MOCS1: variants seen among roughly 807,000 people sequenced by gnomAD.
MOCS1 encodes molybdenum cofactor biosynthesis protein 1.
A neutral mutation model predicts 57.6 loss-of-function variants in MOCS1; 39 were observed. The ratio of observed to expected loss-of-function variants is 0.68; its 90% CI spans 0.52 to 0.88. The LOEUF (loss-of-function observed/expected upper bound fraction) is 0.88, where lower values mean the gene tolerates loss of function less well. MOCS1 is among the 40% of genes least tolerant of loss of function. MOCS1 has a pLI of 0.00. For missense variants in MOCS1, 795 were observed against 831.1 expected, an observed-to-expected ratio of 0.96 and a Z score of 0.53; for synonymous variants, 334 against 335.7, an observed-to-expected ratio of 1.00 and a Z score of 0.05.
rs1410212362 is a variant in MOCS1 at position 39,905,442 on chromosome 6, G to GAT, written c.*913_*914dup. On this transcript the variant is annotated 3_prime_UTR_variant, in exon 11 of 11. Coordinates refer to ENST00000340692, the MANE Select transcript of MOCS1 (RefSeq NM_001358530.2). ...ACTGTGTCTTGGGATAGGATTGATT[G>GAT]ATTGATTGATAGGTGCAGCCTTCCC... is the stretch of plus-strand genomic sequence containing the variant. 2 of 470,886 alleles carry GAT rather than the reference G, an allele frequency of 4.2e-6. No homozygotes were observed. The highest frequency in any genetic ancestry group is 3.1e-5 in the South Asian group (2 of 64,566). 29.2% of individuals were successfully genotyped at this position (470,886 alleles called of 1,614,324 possible).
At chr6:39,930,191 C>T (rs1366231218) in intron 1 of MOCS1, among the ~76,000 whole-genome samples, 1 of 152,146 alleles carries the variant, frequency 6.6e-6, no homozygotes, top group Non-Finnish European at 1.5e-5. Context: ...TACTTTCATT[C>T]TTCTACTTTT....
rs1368843620 is a variant in MOCS1, at chr6:39,906,849, T to C, written c.1419A>G (p.Ser473=). The C allele has an allele frequency of 6.2e-7, 1 of 1,614,178 alleles. No homozygotes were observed. The highest frequency in any genetic ancestry group is 8.5e-7 in the Non-Finnish European group (1 of 1,180,030). ...GTTGTTCTGAGGTTAGCTGGGGTCCTGAGGGGGCAGCAGAAGCCCAGGAAC... is the reference window on the plus strand; with the variant it reads ...GTTGTTCTGAGGTTAGCTGGGGTCCCGAGGGGGCAGCAGAAGCCCAGGAAC... ...SPGSWASAAP[S]GPQLTSEQLT... Residue 473 remains serine (S), a synonymous_variant, in exon 11 of 11, where the codon TCA becomes TCG. Coordinates refer to ENST00000340692, the MANE Select transcript of MOCS1 (RefSeq NM_001358530.2).
chr6:39,905,819 TCAGGA>T lies in MOCS1; in HGVS notation c.*533_*537del, dbSNP rs138907488. 159 of 469,288 alleles carry T rather than the reference TCAGGA, an allele frequency of 3.4e-4. No homozygotes were observed. Among genetic ancestry groups the T allele is most frequent in the African/African-American group, 2.0e-3 (97 of 48,922 alleles). 29.1% of individuals were successfully genotyped at this position (469,288 alleles called of 1,614,324 possible). A position where few individuals can be genotyped will look rare whatever the true frequency, so the allele number is the denominator to read the frequency against. On this transcript the variant is annotated 3_prime_UTR_variant, in exon 11 of 11. Transcript: ENST00000340692. ...GACTTGGGCAGAAGGAGAGATGAAG[TCAGGA>T]CAGGACAGGACAGGGCAGGGCTGCG...
intron 1 of MOCS1, among the ~76,000 whole-genome samples, chr6:39,929,152 G>A (rs927871707): frequency 2.6e-5 from 4 of 152,102 alleles, no homozygotes; most frequent in East Asian, 3.9e-4. Context: ...TACCCACCGC[G>A]GGAGAATTTC....
In MOCS1 at chr6:39,905,286, C is replaced by A. The variant is rs1346698699; in HGVS notation, c.*1071G>T. On this transcript the variant is annotated 3_prime_UTR_variant, in exon 11 of 11. Transcript: ENST00000340692. ...ATGAGCTTTGAACACCCCTGGCCAC[C>A]ACCTGACAAAAGATTTCCCTTAGAT... The A allele has an allele frequency of 6.6e-6, 3 of 454,850 alleles. No homozygotes were observed. The highest frequency in any genetic ancestry group is 4.7e-5 in the South Asian group (3 of 64,504). The allele number at this position is 454,850 out of a possible 1,614,324, so 28.2% of individuals were successfully genotyped here.
chr6:39,913,485 A>G (rs371932063), intron 5 of MOCS1, 57 bp from the exon 6 acceptor site: 1 of 1,507,020 alleles, frequency 6.6e-7, no homozygotes, highest in Middle Eastern at 1.7e-4. Context: ...TTTTGTGGAG[A>G]TGACCCTTGG....
At position 39,904,636 on chromosome 6, in the gene MOCS1, CTGT is replaced by C. The variant is rs1286151210; in HGVS notation, c.*1718_*1720del. On this transcript the variant is annotated 3_prime_UTR_variant, in exon 11 of 11. Coordinates refer to ENST00000340692, the MANE Select transcript of MOCS1 (RefSeq NM_001358530.2). ...ATTCTCCAGGTGAATGGGGAAGGGT[CTGT>C]TCCAGCCTCTCCCTACTCCCATCCC... The C allele has an allele frequency of 8.8e-6, 4 of 454,016 alleles. No homozygotes were observed. Among genetic ancestry groups the C allele is most frequent in the African/African-American group, 2.0e-5 (1 of 49,988 alleles). 28.1% of individuals were successfully genotyped at this position (454,016 alleles called of 1,614,324 possible). A position where few individuals can be genotyped will look rare whatever the true frequency, so the allele number is the denominator to read the frequency against.
intron 10 of MOCS1, 76 bp from the exon 11 acceptor site, chr6:39,907,193 C>A: frequency 7.0e-7 from 1 of 1,429,998 alleles, no homozygotes; most frequent in Non-Finnish European, 9.4e-7. Context: ...CTCCCCAACC[C>A]TCTCCCTATC....
At chr6:39,924,056 T>C (rs965223759) in intron 3 of MOCS1, among the ~76,000 whole-genome samples, 14 of 152,166 alleles carry the variant, frequency 9.2e-5, no homozygotes, top group African/African-American at 3.4e-4. Flanking sequence ...TCACCTATAA[T>C]TACATGAGCA....
chr6:39,927,681 G>A (rs1270808311), intron 1 of MOCS1: 2 of 1,547,532 alleles, frequency 1.3e-6, no homozygotes, highest in East Asian at 2.4e-5. Flanking sequence ...TGGGGGTCGG[G>A]GGCGGATGGT....
intron 3 of MOCS1, among the ~76,000 whole-genome samples, chr6:39,919,493 C>CA (rs953147802): frequency 4.3e-5 from 6 of 138,346 alleles, no homozygotes; most frequent in Non-Finnish European, 6.3e-5. Context: ...GTCTCAAAAA[C>CA]AAAAAACAAA....
Position 39,927,200 on chromosome 6 carries a change from G to A in MOCS1, c.250+129C>T, listed in dbSNP as rs373090324. On this transcript the variant is annotated intron_variant, in intron 2 of 10. Coordinates refer to ENST00000340692, the MANE Select transcript of MOCS1 (RefSeq NM_001358530.2). ...GAAGCCCACCTGGCCTGGTAAGCAA[G>A]GGGTAGCAGGTGAAGAAGTTAGAAA... The A allele has an allele frequency of 1.4e-4, 165 of 1,204,640 alleles. 5 individuals are homozygous for A. Among genetic ancestry groups the A allele is most frequent in the East Asian group, 6.4e-4 (26 of 40,858 alleles). 74.6% of individuals were successfully genotyped at this position (1,204,640 alleles called of 1,614,324 possible). A position where few individuals can be genotyped will look rare whatever the true frequency, so the allele number is the denominator to read the frequency against.
chr6:39,920,909 G>A (rs191259538), intron 3 of MOCS1, among the ~76,000 whole-genome samples: 271 of 151,324 alleles, frequency 1.8e-3, no homozygotes, highest in African/African-American at 6.4e-3. Context: ...AACCCAGGAG[G>A]TTGAGGCTGC....
At chr6:39,928,895 T>C (rs1321370784) in intron 1 of MOCS1, among the ~76,000 whole-genome samples, 1 of 152,116 alleles carries the variant, frequency 6.6e-6, no homozygotes, top group Non-Finnish European at 1.5e-5. Flanking sequence ...GGAAGAAGCA[T>C]TTGCTTCAGT....
chr6:39,904,819 A>G lies in MOCS1; in HGVS notation c.*1538T>C, dbSNP rs1766736330. ...CCTTTTTCACTTGCACCTTTTTTAT[A>G]AGAATATATTGTAATACTAAAAAAT... is the stretch of plus-strand genomic sequence containing the variant. On this transcript the variant is annotated 3_prime_UTR_variant, in exon 11 of 11. Transcript: ENST00000340692. 2 of 453,988 alleles carry G rather than the reference A, an allele frequency of 4.4e-6. No individual in the cohort carries two copies. The highest frequency in any genetic ancestry group is 8.8e-6 in the Non-Finnish European group (2 of 226,784). The allele number at this position is 453,988 out of a possible 1,614,324, so 28.1% of individuals were successfully genotyped here.
chr6:39,910,065 C>T (rs573403048), intron 8 of MOCS1, 110 bp from the exon 9 acceptor site: 1 of 1,501,372 alleles, frequency 6.7e-7, no homozygotes, highest in East Asian at 2.3e-5. Flanking sequence ...GCACCAGGGC[C>T]CAGGCCTCCC....
intron 1 of MOCS1, among the ~76,000 whole-genome samples, chr6:39,929,285 A>T (rs1466196733): frequency 6.6e-6 from 1 of 151,952 alleles, no homozygotes; most frequent in Non-Finnish European, 1.5e-5. Context: ...GATGGAGAAA[A>T]CTCAAACTCA....
intron 1 of MOCS1, among the ~76,000 whole-genome samples, chr6:39,929,041 T>C (rs1018890478): frequency 1.3e-5 from 2 of 152,216 alleles, no homozygotes; most frequent in Non-Finnish European, 2.9e-5. Context: ...TCGGCAGCCC[T>C]TGACTGGGTC....
chr6:39,909,703 T>A (rs998251156), intron 9 of MOCS1, 132 bp downstream of exon 9: 1 of 1,236,418 alleles, frequency 8.1e-7, no homozygotes, highest in Admixed American at 1.7e-5. Flanking sequence ...TGAGTGGTAG[T>A]GGGGATGATG....
Sources: gnomAD v4.1 joint callset for allele counts (sites outside exome capture counted in the v4.1 genomes callset) on GRCh38, gnomAD v4.1.1 for gene constraint, MANE v1.5 for transcripts, NCBI Gene and HGNC (gene_info 2026-07-23, HGNC 2026-07-21) for gene names.